SLC14A2: variants seen among roughly 807,000 people sequenced by gnomAD.
SLC14A2 encodes the protein solute carrier family 14 member 2, also known as urea transporter 2.
SLC14A2 carries 91 observed loss-of-function variants against 104.6 expected under a neutral mutation model. That is an observed-to-expected ratio of 0.87 (90% confidence interval 0.73 to 1.04). The LOEUF is 1.04. SLC14A2 is among the 50% of genes least tolerant of loss of function. The pLI is 0.00. For synonymous variants in SLC14A2, 476 were observed against 466.4 expected, an observed-to-expected ratio of 1.02 and a Z score of -0.27; for missense variants, 1,189 against 1,156.0, an observed-to-expected ratio of 1.03 and a Z score of -0.41.
chr18:45,666,205 A>C lies in SLC14A2; in HGVS notation c.1543A>C (p.Thr515Pro). The C allele has an allele frequency of 2.5e-6, 4 of 1,612,592 alleles. No homozygotes were observed. The highest frequency in any genetic ancestry group is 3.4e-6 in the Non-Finnish European group (4 of 1,178,562). Residue 515 changes from threonine (T) to proline (P), a missense_variant, in exon 12 of 20, where the codon ACA becomes CCA. Transcript: ENST00000255226. Reference protein sequence around the residue: ...DPFPYRYRKPTVELLDLDTME... With the variant: ...DPFPYRYRKPPVELLDLDTME... ...ATTTCCCTATCGATACCGGAAGCCC[A>C]CAGTCGAGCTGCTTGTGAGTACTGA...
intron 1 of SLC14A2, among the ~76,000 whole-genome samples, chr18:45,398,490 T>C (rs1403286390): frequency 1.3e-5 from 2 of 152,174 alleles, no homozygotes; most frequent in Non-Finnish European, 2.9e-5. Context: ...GAGATATTTG[T>C]ACACCAATGT....
chr18:45,394,993 C>T (rs1895078), intron 1 of SLC14A2, among the ~76,000 whole-genome samples: 20,500 of 152,074 alleles, frequency 0.13, 2,136 homozygotes, highest in African/African-American at 0.28. Flanking sequence ...GAATTGAAAT[C>T]AGGTGGGTAC....
chr18:45,673,423 GGAC>G (rs2046174799), intron 17 of SLC14A2, among the ~76,000 whole-genome samples: 1 of 152,144 alleles, frequency 6.6e-6, no homozygotes, highest in Admixed American at 6.5e-5. Flanking sequence ...GATATTCTCT[GGAC>G]TGTTTAAATC....
intron 2 of SLC14A2, among the ~76,000 whole-genome samples, chr18:45,511,668 T>G (rs969020610): frequency 5.9e-5 from 9 of 152,154 alleles, no homozygotes; most frequent in African/African-American, 2.2e-4. Context: ...GTCTCAGGTG[T>G]ATGTGTTTGA....
chr18:45,239,267 C>T lies in SLC14A2; in HGVS notation c.-125+26076C>T, dbSNP rs190180648. Reference sequence around the variant, plus strand: ...AACCAACTCTTTCTAGGCTCCCATTCCAATCCCACTGCCACTGTCCACTGT... The same window carrying T: ...AACCAACTCTTTCTAGGCTCCCATTTCAATCCCACTGCCACTGTCCACTGT... On this transcript the variant is annotated intron_variant, in intron 1 of 20. Coordinates refer to the SLC14A2 transcript ENST00000586448. Among the ~76,000 whole-genome samples the T allele has an allele frequency of 1.1e-3, 168 of 152,320 alleles. 1 individual carries two copies. The highest frequency in any genetic ancestry group is 1.2e-4 in the Non-Finnish European group (8 of 68,028).
the SLC14A2 span, among the ~76,000 whole-genome samples, chr18:45,177,442 G>T: frequency 2.0e-5 from 3 of 152,140 alleles, no homozygotes; most frequent in African/African-American, 4.8e-5. Flanking sequence ...GCTGGCCTAG[G>T]CTACTTTTCC....
intron 1 of SLC14A2, among the ~76,000 whole-genome samples, chr18:45,323,689 G>A (rs1018235424): frequency 2.0e-5 from 3 of 152,158 alleles, no homozygotes; most frequent in African/African-American, 7.2e-5. Context: ...GGGAGACCAG[G>A]GATGTCCCAC....
At chr18:45,292,961 A>G (rs2084884192) in intron 1 of SLC14A2, among the ~76,000 whole-genome samples, 2 of 152,110 alleles carry the variant, frequency 1.3e-5, no homozygotes, top group Non-Finnish European at 2.9e-5. Context: ...CTCCAAGTTA[A>G]ATGATAAGCT....
chr18:45,209,718 C>T (rs780445355), upstream of SLC14A2, among the ~76,000 whole-genome samples: 7 of 151,810 alleles, frequency 4.6e-5, no homozygotes, highest in East Asian at 3.9e-4. Flanking sequence ...ACCTATTTTT[C>T]GAGATTAAGA....
At chr18:45,651,781 ATG>A (rs2045742208) in intron 10 of SLC14A2, among the ~76,000 whole-genome samples, 1 of 152,230 alleles carries the variant, frequency 6.6e-6, no homozygotes, top group Non-Finnish European at 1.5e-5. Context: ...CATGAAGACC[ATG>A]TGTACCAAAA....
the SLC14A2 span, among the ~76,000 whole-genome samples, chr18:45,187,924 T>C: frequency 1.3e-5 from 2 of 152,148 alleles, no homozygotes; most frequent in South Asian, 4.1e-4. Context: ...TCTTAAACAG[T>C]CCATGAAATA....
intron 1 of SLC14A2, among the ~76,000 whole-genome samples, chr18:45,323,917 TGAC>T (rs1195950046): frequency 5.3e-5 from 8 of 152,178 alleles, no homozygotes; most frequent in Non-Finnish European, 1.2e-4. Context: ...TTCTCAGAGA[TGAC>T]TGTTGAACTA....
chr18:45,269,697 T>C (rs2084630623), intron 1 of SLC14A2, among the ~76,000 whole-genome samples: 1 of 152,216 alleles, frequency 6.6e-6, no homozygotes, highest in Non-Finnish European at 1.5e-5. Context: ...GCCACATATT[T>C]AGACTTCATG....
intron 16 of SLC14A2, among the ~76,000 whole-genome samples, chr18:45,671,790 T>C (rs2046143462): frequency 6.6e-6 from 1 of 151,648 alleles, no homozygotes; most frequent in African/African-American, 2.4e-5. Flanking sequence ...AGAGCGTCCT[T>C]GCCTTAATCT....
chr18:45,312,777 G>A (rs1360625664), intron 1 of SLC14A2, among the ~76,000 whole-genome samples: 1 of 152,148 alleles, frequency 6.6e-6, no homozygotes, highest in African/African-American at 2.4e-5. Flanking sequence ...TTAATTTCAC[G>A]TTTTCCAGTC....
chr18:45,317,144 AT>A (rs769779706), intron 1 of SLC14A2, among the ~76,000 whole-genome samples: 36 of 152,218 alleles, frequency 2.4e-4, no homozygotes, highest in Non-Finnish European at 4.6e-4. Context: ...ACCACCTTAG[AT>A]TATAACTTAC....
chr18:45,209,619 G>A (rs1346175275), upstream of SLC14A2, among the ~76,000 whole-genome samples: 2 of 151,848 alleles, frequency 1.3e-5, no homozygotes, highest in African/African-American at 4.8e-5. Flanking sequence ...TCTTGACTGG[G>A]AAATCAGAAA....
intron 2 of SLC14A2, among the ~76,000 whole-genome samples, chr18:45,542,920 C>A (rs1289158392): frequency 6.6e-6 from 1 of 151,778 alleles, no homozygotes; most frequent in Non-Finnish European, 1.5e-5. Flanking sequence ...TTATTTTTAA[C>A]TATTTACTTA....
intron 1 of SLC14A2, among the ~76,000 whole-genome samples, chr18:45,254,352 C>G (rs903429613): frequency 6.6e-6 from 1 of 152,206 alleles, no homozygotes; most frequent in African/African-American, 2.4e-5. Flanking sequence ...GCCTTGAAGA[C>G]AAGTCCTGGA....
Sources: gnomAD v4.1 joint callset for allele counts (sites outside exome capture counted in the v4.1 genomes callset) on GRCh38, gnomAD v4.1.1 for gene constraint, MANE v1.5 for transcripts, NCBI Gene and HGNC (gene_info 2026-07-23, HGNC 2026-07-21) for gene names.